Variants in PCDH15 observed in about 807,000 individuals in gnomAD.
PCDH15 encodes the protein protocadherin-15.
PCDH15 carries 129 observed loss-of-function variants against 178.5 expected under a neutral mutation model. The observed-to-expected ratio is 0.72, with a 90% CI of 0.63 to 0.84. The LOEUF is 0.84. PCDH15 is among the 40% of genes least tolerant of loss of function. PCDH15 has a pLI of 0.00. For synonymous variants in PCDH15, 800 were observed against 732.0 expected (o/e 1.09, Z -1.50); for missense variants, 2,230 against 2,099.9 (o/e 1.06, Z -1.21).
chr10:53,853,380 C>T (rs1348087345), intron 28 of PCDH15, among the ~76,000 whole-genome samples: 1 of 151,990 alleles, frequency 6.6e-6, no homozygotes, highest in Non-Finnish European at 1.5e-5. Flanking sequence ...TTGAATATGA[C>T]ACCAATAGCA....
intron 28 of PCDH15, among the ~76,000 whole-genome samples, chr10:53,844,348 A>G (rs545905278): frequency 6.6e-6 from 1 of 152,104 alleles, no homozygotes; most frequent in Non-Finnish European, 1.5e-5. Flanking sequence ...GGTTCATTAA[A>G]TGCTCAGCCT....
chr10:54,189,463 C>G (rs2133855268), intron 11 of PCDH15: 1 of 985,242 alleles, frequency 1.0e-6, no homozygotes, highest in Non-Finnish European at 1.4e-6. Flanking sequence ...AAGCAAACCA[C>G]TTCCAGCACA....
At chr10:53,819,568 A>G (rs1221734807) in intron 33 of PCDH15, among the ~76,000 whole-genome samples, 2 of 152,028 alleles carry the variant, frequency 1.3e-5, no homozygotes, top group Non-Finnish European at 2.9e-5. Flanking sequence ...TATATCATGT[A>G]TATGTATCAC....
intron 23 of PCDH15, among the ~76,000 whole-genome samples, chr10:53,943,680 T>C (rs1589547135): frequency 6.6e-6 from 1 of 152,250 alleles, no homozygotes; most frequent in East Asian, 1.9e-4. Flanking sequence ...GCATTTAAAA[T>C]TCTATTTGTT....
intron 1 of PCDH15, among the ~76,000 whole-genome samples, chr10:54,727,397 A>C (rs1476223777): frequency 1.3e-5 from 2 of 151,576 alleles, no homozygotes; most frequent in Non-Finnish European, 3.0e-5. Flanking sequence ...AATTATTTGA[A>C]ACTAATGAAA....
At chr10:54,187,248 T>C (rs79439489) in intron 11 of PCDH15, among the ~76,000 whole-genome samples, 9,449 of 152,054 alleles carry the variant, frequency 0.062, 406 homozygotes, top group Admixed American at 0.12. Context: ...CTTAATTCTC[T>C]CAATTTATTT....
chr10:55,079,112 T>G (rs750511943), intron 2 of PCDH15, among the ~76,000 whole-genome samples: 2 of 152,308 alleles, frequency 1.3e-5, no homozygotes, highest in Non-Finnish European at 2.9e-5. Context: ...CTTTCTTTTT[T>G]ATTGTGATGT....
intron 1 of PCDH15, among the ~76,000 whole-genome samples, chr10:55,235,726 G>A (rs1411554589): frequency 6.6e-6 from 1 of 151,846 alleles, no homozygotes; most frequent in African/African-American, 2.4e-5. Context: ...GACCTATATG[G>A]TGAAACCCTG....
intron 3 of PCDH15, among the ~76,000 whole-genome samples, chr10:54,814,961 A>G (rs907037115): frequency 1.3e-5 from 2 of 152,126 alleles, no homozygotes; most frequent in African/African-American, 4.8e-5. Context: ...CTTTTCAGTT[A>G]AATAGTTAAC....
chr10:55,117,923 G>T (rs1301897191), intron 2 of PCDH15, among the ~76,000 whole-genome samples: 5 of 152,004 alleles, frequency 3.3e-5, no homozygotes, highest in Non-Finnish European at 5.9e-5. Context: ...CTGTGCTGTG[G>T]GTCTCATTAC....
chr10:54,103,267 C>G (rs1407842067), intron 15 of PCDH15, among the ~76,000 whole-genome samples: 2 of 152,180 alleles, frequency 1.3e-5, no homozygotes, highest in Non-Finnish European at 2.9e-5. Flanking sequence ...CTTCTAGGAA[C>G]ACCCTGATTA....
intron 17 of PCDH15, among the ~76,000 whole-genome samples, chr10:54,077,864 T>A (rs867432080): frequency 6.6e-5 from 10 of 152,048 alleles, no homozygotes; most frequent in South Asian, 6.2e-4. Flanking sequence ...GGAGTTCGAG[T>A]CCAGCCTGGC....
At chr10:53,992,506 A>G (rs2091591642) in intron 21 of PCDH15, among the ~76,000 whole-genome samples, 2 of 152,342 alleles carry the variant, frequency 1.3e-5, no homozygotes, top group South Asian at 4.1e-4. Flanking sequence ...TGAAGTGAAG[A>G]TGAAACATAA....
At chr10:53,966,989 C>T (rs1316618607) in intron 21 of PCDH15, among the ~76,000 whole-genome samples, 1 of 152,080 alleles carries the variant, frequency 6.6e-6, no homozygotes, top group African/African-American at 2.4e-5. Context: ...CTGCAGCTCA[C>T]ACAATCTTTC....
intron 26 of PCDH15, among the ~76,000 whole-genome samples, chr10:53,871,554 T>C (rs961008291): frequency 6.6e-6 from 1 of 151,660 alleles, no homozygotes; most frequent in Admixed American, 6.6e-5. Flanking sequence ...ATAATGGTGA[T>C]TCAAAAGGTT....
intron 19 of PCDH15, among the ~76,000 whole-genome samples, chr10:54,022,461 T>C (rs981470110): frequency 2.7e-5 from 3 of 110,242 alleles, no homozygotes; most frequent in African/African-American, 3.5e-5. Flanking sequence ...CCCACACAAA[T>C]TCATATATAT....
At chr10:55,595,654 A>G (rs1464149754) in intron 2 of PCDH15, among the ~76,000 whole-genome samples, 1 of 152,158 alleles carries the variant, frequency 6.6e-6, no homozygotes, top group Non-Finnish European at 1.5e-5. Flanking sequence ...TACTGATCTT[A>G]GTACCAAGTC....
intron 1 of PCDH15, among the ~76,000 whole-genome samples, chr10:54,671,472 G>C (rs2094670910): frequency 1.3e-5 from 2 of 152,178 alleles, no homozygotes; most frequent in South Asian, 4.1e-4. Flanking sequence ...TGGCATGAGA[G>C]AGTCTTGCAT....
intron 2 of PCDH15, among the ~76,000 whole-genome samples, chr10:55,045,592 A>G (rs1009527948): frequency 1.3e-5 from 2 of 152,120 alleles, no homozygotes; most frequent in African/African-American, 4.8e-5. Context: ...TGAATTTACT[A>G]AAGATAACTG....
Sources: gnomAD v4.1 joint callset for allele counts (sites outside exome capture counted in the v4.1 genomes callset) on GRCh38, gnomAD v4.1.1 for gene constraint, MANE v1.5 for transcripts, NCBI Gene and HGNC (gene_info 2026-07-23, HGNC 2026-07-21) for gene names.